TKFC: variants seen among roughly 807,000 people sequenced by gnomAD.
The protein encoded by TKFC is triokinase and FMN cyclase, also known as triokinase/FMN cyclase.
In TKFC, 46 loss-of-function variants were observed where a neutral mutation model predicts 61.0. The ratio of observed to expected loss-of-function variants is 0.75; its 90% CI spans 0.60 to 0.96. TKFC has a LOEUF of 0.96. Ranked by LOEUF, TKFC falls within the 50% of genes least tolerant of loss-of-function variation. The pLI, the probability that TKFC is intolerant of heterozygous loss-of-function variation, is 0.00. For synonymous variants in TKFC, 314 were observed against 330.1 expected (o/e 0.95, Z 0.53); for missense variants, 715 against 777.5 (o/e 0.92, Z 0.96).
chr11:61,339,663 G>C (rs975894951), intron 5 of TKFC: 1 of 557,384 alleles, frequency 1.8e-6, no homozygotes, highest in African/African-American at 1.9e-5. Context: ...TCAGTTGCCC[G>C]GTCCTGGTGC....
Position 61,342,670 on chromosome 11 carries a change from C to G in TKFC, c.775+12C>G. ...GCCTGTGCAGCCCGGTGGGTAGCCTCTCGCCCGCGTCTCCCAACCCCTCCT... is the reference window on the plus strand; with the variant it reads ...GCCTGTGCAGCCCGGTGGGTAGCCTGTCGCCCGCGTCTCCCAACCCCTCCT... On this transcript the variant is annotated intron_variant, in intron 9 of 17. Transcript: ENST00000394900. 1 of 1,613,918 alleles carries G rather than the reference C, an allele frequency of 6.2e-7. No homozygotes were observed. The highest frequency in any genetic ancestry group is 8.5e-7 in the Non-Finnish European group (1 of 1,179,984).
chr11:61,352,914 C>T (rs754045837), downstream of TKFC: 1 of 1,612,136 alleles, frequency 6.2e-7, no homozygotes, highest in East Asian at 2.2e-5. Flanking sequence ...GTCCTGTGAT[C>T]ACAGGGTGTA....
rs56214441 is a variant in TKFC, at chr11:61,344,359, C to CT, written c.1240+107dup. 5.4e-3 allele frequency: 5,872 copies of CT among 1,082,178 alleles called. 48 individuals carry two copies. The highest frequency in any genetic ancestry group is 0.05 in the African/African-American group (2,680 of 53,510). 67.0% of individuals were successfully genotyped at this position (1,082,178 alleles called of 1,614,324 possible). Reference sequence around the variant, plus strand: ...TGTTTCCCTGAAGGCAGGGACCTTCCTTTTTTTTTTTTTTTTTTTTTAAGA... The same window carrying CT: ...TGTTTCCCTGAAGGCAGGGACCTTCCTTTTTTTTTTTTTTTTTTTTTTAAGA... On this transcript the variant is annotated intron_variant, in intron 13 of 17. Transcript: ENST00000394900.
downstream of TKFC, chr11:61,351,947 C>T (rs1485439392): frequency 6.6e-6 from 1 of 152,108 alleles, no homozygotes; most frequent in Non-Finnish European, 1.5e-5. Context: ...GAGAGAGGGT[C>T]TTCCTATGTT....
chr11:61,346,249 G>A lies in TKFC; in HGVS notation c.1576-102G>A, dbSNP rs770325814. On this transcript the variant is annotated intron_variant, in intron 17 of 17. Transcript: ENST00000394900. This position sits in a 1 kb window ranked among gnomAD's most constrained non-coding sequence, Gnocchi z 4.1. ...GGGTGCTGGCAGAGCCAGGGCAAGG[G>A]CGTGCAGGGCCAGGCTGCACGGCAG... 6.3e-7 allele frequency: 1 copy of A among 1,583,776 alleles called. No individual in the cohort carries two copies. The highest frequency in any genetic ancestry group is 1.1e-5 in the South Asian group (1 of 88,606).
chr11:61,349,841 T>G (rs556842351), downstream of TKFC: 16 of 581,538 alleles, frequency 2.8e-5, 1 homozygote, highest in South Asian at 3.1e-4. Context: ...AAGCCTGCTC[T>G]GTGGCGGGGC....
Position 61,346,031 on chromosome 11 carries a change from T to C in TKFC, c.1575+85T>C. On this transcript the variant is annotated intron_variant, in intron 17 of 17. Transcript: ENST00000394900. The surrounding 1 kb of genome is among the most constrained non-coding windows in gnomAD (Gnocchi z 4.1). ...CTCCATGTGACCCTGAGCAAGTTAA[T>C]AACCTTCCTGGACCGCAGTTTCCTT... The C allele has an allele frequency of 7.0e-7, 1 of 1,430,936 alleles. No homozygotes were observed. The highest frequency in any genetic ancestry group is 9.6e-7 in the Non-Finnish European group (1 of 1,039,088). The allele number at this position is 1,430,936 out of a possible 1,614,324, so 88.6% of individuals were successfully genotyped here.
intron 15 of TKFC, 27 bp downstream of exon 15, chr11:61,345,592 CA>C: frequency 6.2e-7 from 1 of 1,612,276 alleles, no homozygotes; most frequent in Non-Finnish European, 8.5e-7. Context: ...TGCATCAGAC[CA>C]GGGGTGGGCT....
downstream of TKFC, chr11:61,350,024 G>T: frequency 2.1e-6 from 1 of 485,408 alleles, no homozygotes; most frequent in Non-Finnish European, 3.8e-6. Flanking sequence ...GCCAGAGCGA[G>T]GAGGACCTCG....
At position 61,341,321 on chromosome 11, in the gene TKFC, T is replaced by A. The variant is rs1856840899; in HGVS notation, c.487-115T>A. 3 of 1,181,042 alleles carry A rather than the reference T, an allele frequency of 2.5e-6. No homozygotes were observed. The South Asian group carries it at 3.9e-5, about 16-fold the overall frequency. The allele number at this position is 1,181,042 out of a possible 1,614,324, so 73.2% of individuals were successfully genotyped here. A position where few individuals can be genotyped will look rare whatever the true frequency, so the allele number is the denominator to read the frequency against. The stretch of plus-strand genomic sequence containing the variant: ...TAAATGTGATGGGCCAGGTTGAGTG[T>A]GAAAATCCTGAGGTTCCCCCTTCCC... On this transcript the variant is annotated intron_variant, in intron 5 of 17. Coordinates refer to ENST00000394900, the MANE Select transcript of TKFC (RefSeq NM_015533.4).
Position 61,345,743 on chromosome 11 carries a change from A to G in TKFC, c.1483A>G (p.Met495Val). ...YGKAAPGDRT[M>V]LDSLWAAGQE... is the part of the protein sequence containing the mutation. Reference sequence around the variant, plus strand: ...CAAGGCTGCTCCAGGGGACAGGACTATGGTATGTACTCAGGCTGTGGCCTC... The same window carrying G: ...CAAGGCTGCTCCAGGGGACAGGACTGTGGTATGTACTCAGGCTGTGGCCTC... The change falls in exon 16 of 18, where the codon ATG (methionine) becomes GTG (valine). Residue 495 changes from methionine (M) to valine (V), a missense_variant and splice_region_variant. Met to Val is a conservative substitution (Grantham distance 21). Transcript: ENST00000394900. The G allele has an allele frequency of 6.2e-7, 1 of 1,614,198 alleles. No individual in the cohort carries two copies. The highest frequency in any genetic ancestry group is 1.3e-5 in the African/African-American group (1 of 75,054).
At chr11:61,349,511 C>G (rs953856775), downstream of TKFC, 2 of 702,118 alleles carry the variant, frequency 2.8e-6, no homozygotes, top group Non-Finnish European at 5.2e-6. Context: ...TGTTACTCAT[C>G]GCTACTGGGA....
At chr11:61,342,977 G>T in intron 10 of TKFC, 133 bp downstream of exon 10, 1 of 875,796 alleles carries the variant, frequency 1.1e-6, no homozygotes, top group East Asian at 2.7e-5. Flanking sequence ...CCTAATTGCC[G>T]GATACCTTGA....
downstream of TKFC, chr11:61,349,385 G>T: frequency 1.7e-6 from 1 of 600,356 alleles, no homozygotes. Flanking sequence ...ATGGTGAGCT[G>T]CAGAGTGGTC....
At chr11:61,350,535 A>G, downstream of TKFC, 2 of 1,390,548 alleles carry the variant, frequency 1.4e-6, no homozygotes, top group South Asian at 1.3e-5. Flanking sequence ...CCAAGCCACC[A>G]AATCCCTCAG....
At chr11:61,337,024 C>T (rs986415124) in intron 2 of TKFC, among the ~76,000 whole-genome samples, 1 of 152,184 alleles carries the variant, frequency 6.6e-6, no homozygotes, top group African/African-American at 2.4e-5. Flanking sequence ...CCAGGCCCCT[C>T]GGGAGGCTGC....
chr11:61,341,007 C>T lies in TKFC; in HGVS notation c.487-429C>T, dbSNP rs1016051136. On this transcript the variant is annotated intron_variant, in intron 5 of 17. Transcript: ENST00000394900. ...TTGAAGGTGGAGACTGTGACTTAGT[C>T]GCCTTTTTTCCTTTTCAGCATATAC... Among the ~76,000 whole-genome samples the T allele has an allele frequency of 1.1e-4, 16 of 152,070 alleles. No homozygotes were observed. The East Asian group carries it at 2.3e-3, about 22-fold the overall frequency.
Position 61,339,176 on chromosome 11 carries a change from G to T in TKFC, c.304G>T (p.Val102Leu). 1 of 1,613,472 alleles carries T rather than the reference G, an allele frequency of 6.2e-7. No individual in the cohort carries two copies. The highest frequency in any genetic ancestry group is 1.1e-5 in the South Asian group (1 of 91,042). The change falls in exon 4 of 18, where the codon GTG (valine) becomes TTG (leucine). Residue 102 changes from valine to leucine, a missense_variant and splice_region_variant. By Grantham distance (32) the Val-to-Leu change is conservative (BLOSUM62 1). Transcript: ENST00000394900. ...AIRAVAQAGTVGTLLIVKNYT... is the reference protein window; with the variant it reads ...AIRAVAQAGTLGTLLIVKNYT... ...CAGGGCCGTGGCCCAGGCCGGCACA[G>T]GTAAGCCTGGCATGCAGGAGGGGCT...
Position 61,345,904 on chromosome 11 carries a change from C to T in TKFC, c.1533C>T (p.Ser511=). The change falls in exon 17 of 18, where the codon AGC becomes AGT. Residue 511 remains serine, a synonymous_variant. Transcript: ENST00000394900. ...AAGQELQAWK[S]PGADLLQVLT... Reference sequence around the variant, plus strand: ...GGCAGGAGCTCCAAGCCTGGAAGAGCCCAGGAGCTGATCTGTTACAAGTCC... The same window carrying T: ...GGCAGGAGCTCCAAGCCTGGAAGAGTCCAGGAGCTGATCTGTTACAAGTCC... 6.2e-7 allele frequency: 1 copy of T among 1,614,108 alleles called. No homozygotes were observed. The highest frequency in any genetic ancestry group is 1.7e-5 in the Admixed American group (1 of 60,024).
Sources: gnomAD v4.1 joint callset for allele counts (sites outside exome capture counted in the v4.1 genomes callset) on GRCh38, gnomAD v4.1.1 for gene constraint, Gnocchi (gnomAD v3.1) non-coding constraint, MANE v1.5 for transcripts, NCBI Gene and HGNC (gene_info 2026-07-23, HGNC 2026-07-21) for gene names.